SGSM1: variants seen among roughly 807,000 people sequenced by gnomAD.
SGSM1 encodes small G protein signaling modulator 1.
In SGSM1, 73 loss-of-function variants were observed where a neutral mutation model predicts 133.8. That is an observed-to-expected ratio of 0.55 (90% confidence interval 0.45 to 0.66). SGSM1 has a LOEUF of 0.66. Ranked by LOEUF, SGSM1 falls within the 30% of genes least tolerant of loss-of-function variation. The pLI is 0.00. For missense variants in SGSM1, 1,213 were observed against 1,448.1 expected, an observed-to-expected ratio of 0.84 and a Z score of 2.64; for synonymous variants, 563 against 573.0, an observed-to-expected ratio of 0.98 and a Z score of 0.25.
chr22:24,897,485 A>G (rs564885951), intron 18 of SGSM1, among the ~76,000 whole-genome samples: 3 of 152,300 alleles, frequency 2.0e-5, no homozygotes, highest in African/African-American at 7.2e-5. Flanking sequence ...GCTGTTTGAG[A>G]CAGAGTCTCA....
intron 2 of SGSM1, among the ~76,000 whole-genome samples, chr22:24,809,874 A>G (rs547343870): frequency 6.8e-4 from 104 of 152,346 alleles, no homozygotes; most frequent in Non-Finnish European, 1.2e-3. Flanking sequence ...ACAACTGACC[A>G]TGTGCAGGGG....
chr22:24,844,918 G>C lies in SGSM1; in HGVS notation c.85G>C (p.Ala29Pro). The change falls in exon 3 of 25, where the codon GCT (alanine) becomes CCT (proline). Residue 29 changes from alanine to proline, a missense_variant. Ala to Pro is a conservative substitution (Grantham distance 27). Transcript: ENST00000400358. ...KKEVKQIMEEAVTRKFVHEDS... is the reference protein window; with the variant it reads ...KKEVKQIMEEPVTRKFVHEDS... ...CCAGGTGAAGCAGATCATGGAGGAGGCTGTGACACGCAAGTTTGTCCACGA... is the reference window on the plus strand; with the variant it reads ...CCAGGTGAAGCAGATCATGGAGGAGCCTGTGACACGCAAGTTTGTCCACGA... 1 of 1,613,762 alleles carries C rather than the reference G, an allele frequency of 6.2e-7. No homozygotes were observed. The highest frequency in any genetic ancestry group is 8.5e-7 in the Non-Finnish European group (1 of 1,179,864).
chr22:24,812,346 A>T (rs1048318204), intron 2 of SGSM1, among the ~76,000 whole-genome samples: 2 of 152,232 alleles, frequency 1.3e-5, no homozygotes, highest in Non-Finnish European at 2.9e-5. Context: ...TCCATGATAG[A>T]TGAGGAACTG....
At chr22:24,833,221 C>T (rs1267036048) in intron 2 of SGSM1, among the ~76,000 whole-genome samples, 2 of 151,806 alleles carry the variant, frequency 1.3e-5, no homozygotes, top group East Asian at 2.0e-4. Context: ...AGGAGTAAGC[C>T]ACCATGCCTG....
intron 17 of SGSM1, among the ~76,000 whole-genome samples, chr22:24,894,133 G>A (rs1932864190): frequency 2.0e-5 from 3 of 152,198 alleles, no homozygotes; most frequent in Admixed American, 2.0e-4. Flanking sequence ...ACTGAGGGTG[G>A]TGGCTCACGC....
Position 24,806,286 on chromosome 22 carries a change from G to A in SGSM1, c.-40G>A, listed in dbSNP as rs1262066874. 8 of 1,412,538 alleles carry A rather than the reference G, an allele frequency of 5.7e-6. No homozygotes were observed. The highest frequency in any genetic ancestry group is 1.5e-5 in the African/African-American group (1 of 66,344). The allele number at this position is 1,412,538 out of a possible 1,614,324, so 87.5% of individuals were successfully genotyped here. ...CGGAGGAGCTACCGCCGCCACCGCC[G>A]CCACCGCCTCCTGGGACTCGGAACG... is the stretch of plus-strand genomic sequence containing the variant. On this transcript the variant is annotated 5_prime_UTR_variant, in exon 1 of 25. Coordinates refer to ENST00000400358, the MANE Select transcript of SGSM1 (RefSeq NM_001098497.3).
rs6004288 is a variant in SGSM1 at position 24,806,593 on chromosome 22, A to C, written c.63+109A>C. The C allele has an allele frequency of 0.029, 38,526 of 1,331,928 alleles. 6,281 individuals carry two copies. The African/African-American group carries it at 0.42, about 15-fold the overall frequency. 82.5% of individuals were successfully genotyped at this position (1,331,928 alleles called of 1,614,324 possible). A position where few individuals can be genotyped will look rare whatever the true frequency, so the allele number is the denominator to read the frequency against. ...CTCTGGCGGCGGGGGGGCGGCCAGA[A>C]CAGGTGTGGGGCTCACCTGGGTGGG... On this transcript the variant is annotated intron_variant, in intron 2 of 24. Transcript: ENST00000400358.
intron 12 of SGSM1, among the ~76,000 whole-genome samples, chr22:24,876,165 T>C (rs992753183): frequency 2.6e-5 from 4 of 152,234 alleles, no homozygotes; most frequent in African/African-American, 7.2e-5. Context: ...GCCTCATCTA[T>C]TGAGTCAGGC....
chr22:24,822,088 C>CTTT (rs71320790), intron 2 of SGSM1, among the ~76,000 whole-genome samples: 4,583 of 96,112 alleles, frequency 0.048, 294 homozygotes, highest in African/African-American at 0.055. Context: ...TCATCTCTCT[C>CTTT]TTTTTTTTTT....
chr22:24,861,307 G>T (rs1232002691), intron 9 of SGSM1, among the ~76,000 whole-genome samples: 1 of 145,588 alleles, frequency 6.9e-6, no homozygotes. Context: ...AGCCGAGATC[G>T]CGCCACTGCA....
At chr22:24,818,996 A>G (rs1262053170) in intron 2 of SGSM1, among the ~76,000 whole-genome samples, 2 of 151,970 alleles carry the variant, frequency 1.3e-5, no homozygotes, top group East Asian at 3.9e-4. Flanking sequence ...AATACAAAAA[A>G]TTAGCTCGGT....
At chr22:24,845,945 C>CTTTTCTTTTCTTTTCT (rs139930200) in intron 3 of SGSM1, among the ~76,000 whole-genome samples, 205 of 32,562 alleles carry the variant, frequency 6.3e-3, no homozygotes, top group East Asian at 0.056. Context: ...CTTTTCTTTT[C>CTTTTCTTTTCTTTTCT]TTTCTTTCTT....
intron 24 of SGSM1, among the ~76,000 whole-genome samples, chr22:24,920,917 C>T (rs961323894): frequency 1.3e-5 from 2 of 152,114 alleles, no homozygotes; most frequent in African/African-American, 2.4e-5. Context: ...ATCATTGGCA[C>T]GTTACCATCT....
At position 24,838,247 on chromosome 22, in the gene SGSM1, G is replaced by GAA. The variant is rs548069615; in HGVS notation, c.64-6648_64-6647dup. 1.4e-3 allele frequency among the ~76,000 whole-genome samples: 207 copies of GAA among 152,312 alleles called. 5 individuals carry two copies. Among genetic ancestry groups the GAA allele is most frequent in the Non-Finnish European group, 2.5e-4 (17 of 68,028 alleles). ...TCTAGGTCCTGCTGATCACTGCACA[G>GAA]AAAGCCGATCACTGAGATGACAAGT... is the stretch of plus-strand genomic sequence containing the variant. On this transcript the variant is annotated intron_variant, in intron 2 of 24. Coordinates refer to ENST00000400358, the MANE Select transcript of SGSM1 (RefSeq NM_001098497.3).
intron 23 of SGSM1, among the ~76,000 whole-genome samples, chr22:24,919,103 C>T (rs995627967): frequency 3.9e-5 from 5 of 129,594 alleles, no homozygotes; most frequent in Admixed American, 1.8e-4. Context: ...GGCTGGAGTG[C>T]AGTGGTGCAA....
chr22:24,898,040 G>T lies in SGSM1; in HGVS notation c.2091G>T (p.Lys697Asn), dbSNP rs751344212. The change falls in exon 19 of 25, where the codon AAG becomes AAT. Residue 697 changes from lysine (K) to asparagine (N), a missense_variant. Physicochemically the swap from Lys to Asn is moderately conservative, Grantham distance 94. Transcript: ENST00000400358. ...AEGRLEEKQP[K>N]IPNGNLVNGT... ...GCAGATTGGAGGAGAAACAGCCCAA[G>T]ATCCCCAATGGGAACCTAGTGAACG... 3 of 1,613,846 alleles carry T rather than the reference G, an allele frequency of 1.9e-6. No individual in the cohort carries two copies. The highest frequency in any genetic ancestry group is 2.5e-6 in the Non-Finnish European group (3 of 1,179,838).
At chr22:24,814,599 C>T (rs142795014) in intron 2 of SGSM1, among the ~76,000 whole-genome samples, 1 of 152,194 alleles carries the variant, frequency 6.6e-6, no homozygotes, top group Non-Finnish European at 1.5e-5. Flanking sequence ...CTATCACTGT[C>T]AGGCAGTTGG....
At chr22:24,920,047 T>G in intron 24 of SGSM1, 54 bp downstream of exon 24, 1 of 1,535,008 alleles carries the variant, frequency 6.5e-7, no homozygotes, top group East Asian at 2.4e-5. Context: ...GGAGGCCCCT[T>G]TTGGGCATCT....
chr22:24,890,025 C>T (rs1343512479), intron 16 of SGSM1, among the ~76,000 whole-genome samples: 18 of 149,010 alleles, frequency 1.2e-4, no homozygotes, highest in African/African-American at 4.2e-4. Context: ...GGCGCGATCT[C>T]GGCTCACTGC....
Sources: allele counts gnomAD v4.1 joint callset (sites outside exome capture counted in the v4.1 genomes callset), GRCh38; gene constraint gnomAD v4.1.1; transcripts MANE v1.5; gene names NCBI Gene and HGNC (gene_info 2026-07-23, HGNC 2026-07-21).